Variants in FBLN5 observed in about 807,000 individuals in gnomAD.
The protein encoded by FBLN5 is fibulin-5.
FBLN5 carries 24 observed loss-of-function variants against 61.6 expected under a neutral mutation model. The observed-to-expected ratio is 0.39, with a 90% CI of 0.28 to 0.55. FBLN5 has a LOEUF of 0.55. FBLN5 is among the 20% of genes least tolerant of loss of function. FBLN5 has a pLI of 0.65. For missense variants in FBLN5, 470 were observed against 594.1 expected (o/e 0.79, Z 2.17); for synonymous variants, 213 against 219.8 (o/e 0.97, Z 0.27).
At chr14:91,912,594 G>C (rs1159215538) in intron 4 of FBLN5, among the ~76,000 whole-genome samples, 19 of 152,100 alleles carry the variant, frequency 1.2e-4, no homozygotes, top group Admixed American at 1.2e-3. Context: ...GCAGTGAGTC[G>C]AGATTGTGCC....
intron 1 of FBLN5, chr14:91,946,657 G>A: frequency 7.3e-7 from 1 of 1,377,952 alleles, no homozygotes; most frequent in Non-Finnish European, 1.0e-6. Context: ...AAGACTTAAG[G>A]ATTACTTAAC....
At chr14:91,933,908 G>A (rs1023177635) in intron 4 of FBLN5, among the ~76,000 whole-genome samples, 3 of 152,232 alleles carry the variant, frequency 2.0e-5, no homozygotes, top group African/African-American at 7.2e-5. Context: ...CCAGGAATTT[G>A]AGACCAGCCT....
chr14:91,871,855 A>C (rs1888946800), intron 10 of FBLN5, among the ~76,000 whole-genome samples: 1 of 99,174 alleles, frequency 1.0e-5, no homozygotes, highest in South Asian at 3.2e-4. Context: ...ACTCCAGCTA[A>C]AAAAAAAAAA....
chr14:91,887,465 T>C (rs1889781122), intron 6 of FBLN5, among the ~76,000 whole-genome samples, 153 bp from the exon 7 acceptor site: 1 of 152,028 alleles, frequency 6.6e-6, no homozygotes, highest in Non-Finnish European at 1.5e-5. Flanking sequence ...GGGAGCATGA[T>C]CTTAGATCCA....
intron 4 of FBLN5, among the ~76,000 whole-genome samples, chr14:91,913,567 TC>T (rs986155310): frequency 2.0e-5 from 3 of 152,204 alleles, no homozygotes; most frequent in African/African-American, 7.2e-5. Flanking sequence ...CCATTATATT[TC>T]CAGTGCCCAT....
chr14:91,874,512 T>A (rs1262053464), intron 10 of FBLN5: 1 of 152,192 alleles, frequency 6.6e-6, no homozygotes, highest in Non-Finnish European at 1.5e-5. Context: ...GCTGCTTAGG[T>A]TCAAATCCTG....
intron 4 of FBLN5, among the ~76,000 whole-genome samples, chr14:91,906,962 G>C (rs891108614): frequency 9.2e-5 from 14 of 152,212 alleles, no homozygotes; most frequent in Non-Finnish European, 5.9e-5. Context: ...CCCAACTCAG[G>C]ATGGTGAATG....
intron 4 of FBLN5, among the ~76,000 whole-genome samples, chr14:91,917,007 A>G (rs1891222427): frequency 6.6e-6 from 1 of 152,152 alleles, no homozygotes; most frequent in African/African-American, 2.4e-5. Context: ...GAACTCAGGG[A>G]TGGGCTTGTG....
At chr14:91,917,597 A>AAAAAAAAAAAAAAAAAAAAAAAAC (rs1891251234) in intron 4 of FBLN5, among the ~76,000 whole-genome samples, 1 of 150,202 alleles carries the variant, frequency 6.7e-6, no homozygotes, top group South Asian at 2.2e-4. Flanking sequence ...AAAAAAAAAA[A>AAAAAAAAAAAAAAAAAAAAAAAAC]AAAGAAAGAA....
At position 91,882,923 on chromosome 14, in the gene FBLN5, AC is replaced by A. The variant is rs1167322952; in HGVS notation, c.862+30del. On this transcript the variant is annotated intron_variant, in intron 8 of 10. Transcript: ENST00000342058. This position sits in a 1 kb window ranked among gnomAD's most constrained non-coding sequence, Gnocchi z 4.9. Reference sequence around the variant, plus strand: ...TGAAGCAGCTCCACCTCACACATACACCCCAGCCAGGCCCCTCCGGACAGCC... The same window carrying A: ...TGAAGCAGCTCCACCTCACACATACACCCAGCCAGGCCCCTCCGGACAGCC... The A allele has an allele frequency of 6.2e-7, 1 of 1,610,828 alleles. No individual in the cohort carries two copies. Among genetic ancestry groups the A allele is most frequent in the East Asian group, 2.2e-5 (1 of 44,766 alleles).
At chr14:91,928,750 T>G (rs1330189350) in intron 4 of FBLN5, among the ~76,000 whole-genome samples, 1 of 144,780 alleles carries the variant, frequency 6.9e-6, no homozygotes, top group Non-Finnish European at 1.5e-5. Flanking sequence ...CCATCCAGCT[T>G]GGATAACAGA....
intron 4 of FBLN5, among the ~76,000 whole-genome samples, chr14:91,919,425 G>A (rs1383121498): frequency 2.6e-5 from 4 of 151,352 alleles, no homozygotes; most frequent in Admixed American, 6.6e-5. Context: ...AAGGAAGGAA[G>A]GAAGGAAGGA....
At chr14:91,935,634 G>C (rs1266757701) in intron 4 of FBLN5, among the ~76,000 whole-genome samples, 1 of 152,142 alleles carries the variant, frequency 6.6e-6, no homozygotes, top group Non-Finnish European at 1.5e-5. Flanking sequence ...TCCTACCTCT[G>C]TAATTACCTA....
intron 10 of FBLN5, among the ~76,000 whole-genome samples, chr14:91,871,310 T>C (rs573259550): frequency 2.6e-5 from 4 of 151,838 alleles, no homozygotes; most frequent in African/African-American, 9.7e-5. Flanking sequence ...ATTTTCTATG[T>C]CAGTATATTT....
At chr14:91,871,359 C>A (rs1364456956) in intron 10 of FBLN5, among the ~76,000 whole-genome samples, 1 of 152,070 alleles carries the variant, frequency 6.6e-6, no homozygotes, top group Admixed American at 6.5e-5. Flanking sequence ...TAAGAACCCC[C>A]CTCTAGGCAC....
rs747465234 is a variant in FBLN5, at chr14:91,870,391, G to A, written c.1186-6C>T. ...GCACTGATGGGGCCCGTTTGCTATG[G>A]ACAGAACCGGGGAACACCAGTGAGA... is the stretch of plus-strand genomic sequence containing the variant. On this transcript the variant is annotated splice_region_variant and splice_polypyrimidine_tract_variant and intron_variant, in intron 10 of 10. Transcript: ENST00000342058. 3 of 1,613,424 alleles carry A rather than the reference G, an allele frequency of 1.9e-6. No homozygotes were observed. Among genetic ancestry groups the A allele is most frequent in the Non-Finnish European group, 2.5e-6 (3 of 1,180,012 alleles).
chr14:91,929,199 GATTTTGAAGGTTTCAAAAC>G (rs2055883894), intron 4 of FBLN5, among the ~76,000 whole-genome samples: 1 of 150,864 alleles, frequency 6.6e-6, no homozygotes, highest in South Asian at 2.1e-4. Context: ...TATCTTCTAT[GATTTTGAAGGTTTCAAAAC>G]ATTTCAAAAT....
intron 4 of FBLN5, among the ~76,000 whole-genome samples, chr14:91,898,796 C>CTTTTTT (rs35840279): frequency 6.4e-4 from 54 of 84,216 alleles, no homozygotes; most frequent in Non-Finnish European, 8.4e-4. Context: ...TTCATTCATT[C>CTTTTTT]TTTTTTTTTT....
At chr14:91,877,312 G>A (rs1284282648) in intron 10 of FBLN5, among the ~76,000 whole-genome samples, 175 bp downstream of exon 10, 1 of 152,046 alleles carries the variant, frequency 6.6e-6, no homozygotes, top group Non-Finnish European at 1.5e-5. Flanking sequence ...AGCATCTTTT[G>A]CAAGACTACA....
Sources: gnomAD v4.1 joint callset for allele counts (sites outside exome capture counted in the v4.1 genomes callset) on GRCh38, gnomAD v4.1.1 for gene constraint, Gnocchi (gnomAD v3.1) non-coding constraint, MANE v1.5 for transcripts, NCBI Gene and HGNC (gene_info 2026-07-23, HGNC 2026-07-21) for gene names.